Variants in FBXL4 observed in about 807,000 individuals in gnomAD.
The protein encoded by FBXL4 is F-box/LRR-repeat protein 4.
Under a neutral mutation model 58.9 loss-of-function variants are expected in FBXL4, and 40 were observed. The ratio of observed to expected loss-of-function variants is 0.68; its 90% CI spans 0.53 to 0.88. The LOEUF (loss-of-function observed/expected upper bound fraction) is 0.88, where lower values mean the gene tolerates loss of function less well. FBXL4 is among the 40% of genes least tolerant of loss of function. FBXL4 has a pLI of 0.00. For missense variants in FBXL4, 676 were observed against 734.4 expected (o/e 0.92, Z 0.92); for synonymous variants, 263 against 265.5 (o/e 0.99, Z 0.09).
intron 4 of FBXL4, among the ~76,000 whole-genome samples, chr6:98,924,704 A>G (rs1262733393): frequency 1.3e-5 from 2 of 152,240 alleles, no homozygotes; most frequent in Admixed American, 6.5e-5. Context: ...TGGAAAAAAA[A>G]GTAAAGATTA....
chr6:98,939,343 G>A (rs542272918), intron 1 of FBXL4, among the ~76,000 whole-genome samples: 1 of 152,142 alleles, frequency 6.6e-6, no homozygotes, highest in East Asian at 1.9e-4. Context: ...TCCTTTGCTG[G>A]CATTAAATTC....
chr6:98,895,120 C>T (rs1771367360), intron 7 of FBXL4, among the ~76,000 whole-genome samples: 1 of 152,176 alleles, frequency 6.6e-6, no homozygotes, highest in South Asian at 2.1e-4. Context: ...TGAGGATTAT[C>T]TGTCTCAATG....
intron 7 of FBXL4, among the ~76,000 whole-genome samples, chr6:98,890,736 T>C (rs1348677919): frequency 6.6e-6 from 1 of 152,130 alleles, no homozygotes; most frequent in East Asian, 1.9e-4. Flanking sequence ...CTGGCAAATA[T>C]GGTGAAACCC....
intron 7 of FBXL4, among the ~76,000 whole-genome samples, chr6:98,890,921 AAACAAAAAAAAAC>A (rs1048437420): frequency 2.0e-5 from 3 of 152,160 alleles, no homozygotes; most frequent in Non-Finnish European, 4.4e-5. Context: ...TCCATTTCAA[AAACAAAAAAAAAC>A]AACAAAAAAA....
intron 8 of FBXL4, 85 bp downstream of exon 8, chr6:98,880,468 G>A: frequency 9.5e-7 from 1 of 1,055,604 alleles, no homozygotes; most frequent in Admixed American, 1.7e-5. Flanking sequence ...TGTGTGTGGG[G>A]TAGGGTGAGT....
At chr6:98,879,591 G>A (rs565703462) in intron 8 of FBXL4, among the ~76,000 whole-genome samples, 4 of 152,190 alleles carry the variant, frequency 2.6e-5, no homozygotes, top group Admixed American at 6.5e-5. Flanking sequence ...TTTTAAATCT[G>A]GAAGGACTAG....
chr6:98,899,469 A>C lies in FBXL4; in HGVS notation c.1116T>G (p.Val372=), dbSNP rs1211252228. Residue 372 remains valine, a synonymous_variant, in exon 7 of 10, where the codon GTT becomes GTG. Transcript: ENST00000369244. ...SVAGFSRFLK[V]CGSELVRLEL... is the part of the protein sequence containing the mutation. ...CAAGGCGTACTAATTCGGATCCACA[A>C]ACCTTCAGAAACCTGCCAAAACAAC... is the stretch of plus-strand genomic sequence containing the variant. 4 of 1,612,050 alleles carry C rather than the reference A, an allele frequency of 2.5e-6. No homozygotes were observed. In the Admixed American group the frequency reaches 6.7e-5, roughly 27 times the overall value.
At chr6:98,928,463 G>T (rs1273569311) in intron 2 of FBXL4, among the ~76,000 whole-genome samples, 2 of 151,822 alleles carry the variant, frequency 1.3e-5, no homozygotes, top group African/African-American at 4.8e-5. Context: ...TGAGTAGCTG[G>T]GACTACAGGC....
intron 1 of FBXL4, among the ~76,000 whole-genome samples, chr6:98,944,637 A>G (rs796421419): frequency 2.0e-5 from 3 of 152,194 alleles, no homozygotes; most frequent in African/African-American, 7.2e-5. Flanking sequence ...TGGTGTTTAT[A>G]TAGCAAATAG....
rs1336196616 is a variant in FBXL4, at chr6:98,871,303, C to T, written c.*2975G>A. The T allele has an allele frequency of 6.6e-6, 1 of 152,146 alleles. No individual in the cohort carries two copies. Among genetic ancestry groups the T allele is most frequent in the Non-Finnish European group, 1.5e-5 (1 of 68,032 alleles). The allele number at this position is 152,146 out of a possible 1,614,324, so 9.4% of individuals were successfully genotyped here. A position where few individuals can be genotyped will look rare whatever the true frequency, so the allele number is the denominator to read the frequency against. ...GAACACTGGGAACAACATCAACAGTCAATAAAAAACAAGGCAAATGACCCT... is the reference window on the plus strand; with the variant it reads ...GAACACTGGGAACAACATCAACAGTTAATAAAAAACAAGGCAAATGACCCT... On this transcript the variant is annotated 3_prime_UTR_variant, in exon 10 of 10. Transcript: ENST00000369244.
intron 7 of FBXL4, 106 bp from the exon 8 acceptor site, chr6:98,880,730 T>G (rs1430087814): frequency 1.1e-6 from 1 of 916,558 alleles, no homozygotes; most frequent in Non-Finnish European, 1.7e-6. Context: ...TTTCCTGAAA[T>G]GCAGCTCAAA....
chr6:98,895,011 T>C (rs182444419), intron 7 of FBXL4, among the ~76,000 whole-genome samples: 3 of 152,314 alleles, frequency 2.0e-5, no homozygotes, highest in East Asian at 3.9e-4. Context: ...TCATTCTTAC[T>C]GAGTCATCAG....
chr6:98,896,672 C>T (rs751286071), intron 7 of FBXL4: 13 of 636,862 alleles, frequency 2.0e-5, no homozygotes, highest in South Asian at 1.4e-4. Context: ...AGAAAAATTA[C>T]GTAGTGTTTA....
chr6:98,875,211 T>C (rs1770613054), intron 9 of FBXL4: 5 of 590,044 alleles, frequency 8.5e-6, no homozygotes, highest in South Asian at 7.7e-5. Flanking sequence ...ATTGTTATTG[T>C]CCTCACTATT....
chr6:98,913,218 A>T (rs1772173482), intron 5 of FBXL4, among the ~76,000 whole-genome samples: 1 of 152,210 alleles, frequency 6.6e-6, no homozygotes, highest in Non-Finnish European at 1.5e-5. Context: ...CTCCCACACA[A>T]TAATAATGGG....
At chr6:98,893,963 G>C (rs755435860) in intron 7 of FBXL4, among the ~76,000 whole-genome samples, 1 of 152,036 alleles carries the variant, frequency 6.6e-6, no homozygotes, top group African/African-American at 2.4e-5. Context: ...CTGTAGCCTC[G>C]ACCTCCTGGG....
chr6:98,892,176 CTT>C (rs777175427), intron 7 of FBXL4, among the ~76,000 whole-genome samples: 3 of 152,100 alleles, frequency 2.0e-5, no homozygotes, highest in Non-Finnish European at 4.4e-5. Context: ...ACTATTGATT[CTT>C]GATTGTGTTT....
At chr6:98,885,973 T>C (rs1025535986) in intron 7 of FBXL4, among the ~76,000 whole-genome samples, 1 of 152,090 alleles carries the variant, frequency 6.6e-6, no homozygotes, top group African/African-American at 2.4e-5. Flanking sequence ...CAGGGGCCTC[T>C]GGTCACAAGC....
intron 7 of FBXL4, among the ~76,000 whole-genome samples, chr6:98,895,919 T>A (rs1410247066): frequency 6.6e-6 from 1 of 152,176 alleles, no homozygotes; most frequent in Non-Finnish European, 1.5e-5. Flanking sequence ...GTGAAGTTAA[T>A]ATGCTATAAT....
Sources: allele counts gnomAD v4.1 joint callset (sites outside exome capture counted in the v4.1 genomes callset), GRCh38; gene constraint gnomAD v4.1.1; transcripts MANE v1.5; gene names NCBI Gene and HGNC (gene_info 2026-07-23, HGNC 2026-07-21).